The following TAFA5 variants were observed in gnomAD, a reference collection of about 807,000 sequenced individuals.
TAFA5 encodes the protein TAFA chemokine like family member 5, also known as chemokine-like protein TAFA-5.
A neutral mutation model predicts 15.3 loss-of-function variants in TAFA5; 6 were observed. The observed-to-expected ratio is 0.39, with a 90% CI of 0.21 to 0.77. The LOEUF is 0.77. Among genes scored for constraint, TAFA5 ranks in the 30% least tolerant of loss-of-function variants. TAFA5 has a pLI of 0.41. For synonymous variants in TAFA5, 103 were observed against 80.7 expected, an observed-to-expected ratio of 1.28 and a Z score of -1.48; for missense variants, 161 against 193.1, an observed-to-expected ratio of 0.83 and a Z score of 0.98.
chr22:48,640,404 G>A (rs371044501), intron 1 of TAFA5, among the ~76,000 whole-genome samples: 1 of 152,208 alleles, frequency 6.6e-6, no homozygotes, highest in Non-Finnish European at 1.5e-5. Context: ...CAGCCTGTGC[G>A]CCCAGTGCAG....
chr22:48,553,394 C>T (rs180885511), intron 1 of TAFA5, among the ~76,000 whole-genome samples: 73 of 152,290 alleles, frequency 4.8e-4, no homozygotes, highest in South Asian at 1.5e-3. Flanking sequence ...ACAGATTGCC[C>T]GGAGGCGCCC....
At chr22:48,719,540 A>G (rs1929505428) in intron 3 of TAFA5, among the ~76,000 whole-genome samples, 2 of 152,100 alleles carry the variant, frequency 1.3e-5, no homozygotes, top group Non-Finnish European at 2.9e-5. Context: ...AGCCCAAGAG[A>G]GCAGGGTGGT....
At chr22:48,675,775 T>C (rs1016571044) in intron 2 of TAFA5, among the ~76,000 whole-genome samples, 9 of 152,220 alleles carry the variant, frequency 5.9e-5, no homozygotes, top group Non-Finnish European at 1.2e-4. Context: ...GCTCTCTTAT[T>C]CTTCAAGACC....
intron 1 of TAFA5, among the ~76,000 whole-genome samples, chr22:48,519,854 A>G (rs915620675): frequency 6.6e-6 from 1 of 152,214 alleles, no homozygotes. Context: ...CCATGGAAAC[A>G]GGGTAATGGC....
intron 1 of TAFA5, among the ~76,000 whole-genome samples, chr22:48,557,667 G>A (rs1923087512): frequency 6.6e-6 from 1 of 152,214 alleles, no homozygotes; most frequent in African/African-American, 2.4e-5. Flanking sequence ...ACAGGCCACT[G>A]AGCGCCACGG....
chr22:48,740,691 C>T (rs1930154684), intron 3 of TAFA5, among the ~76,000 whole-genome samples: 1 of 152,190 alleles, frequency 6.6e-6, no homozygotes, highest in Non-Finnish European at 1.5e-5. Flanking sequence ...CGTGTCCACC[C>T]CTGATGGAGA....
At chr22:48,647,049 AGAG>A (rs1926893707) in intron 2 of TAFA5, among the ~76,000 whole-genome samples, 1 of 152,034 alleles carries the variant, frequency 6.6e-6, no homozygotes, top group South Asian at 2.1e-4. Context: ...TGCCTCTGGG[AGAG>A]GAGAAGGACA....
At chr22:48,722,919 T>A (rs1929612674) in intron 3 of TAFA5, among the ~76,000 whole-genome samples, 1 of 152,200 alleles carries the variant, frequency 6.6e-6, no homozygotes, top group African/African-American at 2.4e-5. Context: ...AGTGTGTGGC[T>A]GCATTAATCC....
At chr22:48,577,595 C>T (rs527532311) in intron 1 of TAFA5, among the ~76,000 whole-genome samples, 1 of 152,364 alleles carries the variant, frequency 6.6e-6, no homozygotes, top group East Asian at 1.9e-4. Flanking sequence ...TTCTGGGTTC[C>T]TGCAGAGGAA....
At chr22:48,676,017 C>G (rs575342573) in intron 2 of TAFA5, among the ~76,000 whole-genome samples, 1 of 152,262 alleles carries the variant, frequency 6.6e-6, no homozygotes, top group Admixed American at 6.5e-5. Flanking sequence ...AGGCAGCTGG[C>G]GGTGGGGCAG....
intron 1 of TAFA5, among the ~76,000 whole-genome samples, chr22:48,593,892 A>T (rs1195383173): frequency 6.6e-6 from 1 of 152,216 alleles, no homozygotes; most frequent in Non-Finnish European, 1.5e-5. Flanking sequence ...ACCTCACAGC[A>T]CACAGAGTGC....
At chr22:48,611,564 G>A (rs967373641) in intron 1 of TAFA5, among the ~76,000 whole-genome samples, 4 of 152,018 alleles carry the variant, frequency 2.6e-5, no homozygotes, top group Non-Finnish European at 5.9e-5. Context: ...GCCAGGGCTC[G>A]TGAGAGTCTG....
At chr22:48,633,245 C>T (rs971131400) in intron 1 of TAFA5, among the ~76,000 whole-genome samples, 1 of 152,290 alleles carries the variant, frequency 6.6e-6, no homozygotes, top group Middle Eastern at 3.4e-3. Context: ...GAGGAGGGCA[C>T]GAATGTCATC....
chr22:48,545,234 A>G (rs1922620827), intron 1 of TAFA5: 1 of 273,164 alleles, frequency 3.7e-6, no homozygotes, highest in Admixed American at 4.5e-5. Context: ...AGACCGTGCC[A>G]TGCTGCCATT....
At chr22:48,623,544 G>A (rs1301698583) in intron 1 of TAFA5, among the ~76,000 whole-genome samples, 1 of 152,196 alleles carries the variant, frequency 6.6e-6, no homozygotes. Context: ...CAGGTCCCTG[G>A]CGTGAGTTGG....
rs556561675 is a variant in TAFA5 at position 48,620,511 on chromosome 22, C to G, written c.113-26086C>G. On this transcript the variant is annotated intron_variant, in intron 1 of 3. Transcript: ENST00000402357. ...TCAGAGAAGGGAACAGTTTCTTGTT[C>G]TTCTATTTTTGTTTTTTGATGTTGT... Among the ~76,000 whole-genome samples the G allele has an allele frequency of 2.0e-5, 3 of 151,480 alleles. No homozygotes were observed. In the East Asian group the frequency reaches 5.8e-4, roughly 29 times the overall value.
chr22:48,576,973 GGCGGGA>G (rs1189003025), intron 1 of TAFA5, among the ~76,000 whole-genome samples: 1 of 152,140 alleles, frequency 6.6e-6, no homozygotes, highest in Non-Finnish European at 1.5e-5. Flanking sequence ...GCCGGGCTGG[GGCGGGA>G]GCGGAGCTGG....
At chr22:48,719,501 G>C (rs11914204) in intron 3 of TAFA5, among the ~76,000 whole-genome samples, 34 of 152,310 alleles carry the variant, frequency 2.2e-4, no homozygotes, top group African/African-American at 7.9e-4. Context: ...AGGAAGAGGA[G>C]AGAGAAGGAC....
chr22:48,690,148 A>G (rs1928493404), intron 2 of TAFA5, among the ~76,000 whole-genome samples: 1 of 151,938 alleles, frequency 6.6e-6, no homozygotes, highest in Non-Finnish European at 1.5e-5. Flanking sequence ...AAAGATGCTC[A>G]TAACTGCATT....
Sources: gnomAD v4.1 joint callset for allele counts (sites outside exome capture counted in the v4.1 genomes callset) on GRCh38, gnomAD v4.1.1 for gene constraint, MANE v1.5 for transcripts, NCBI Gene and HGNC (gene_info 2026-07-23, HGNC 2026-07-21) for gene names.